HLTF: variants seen among roughly 807,000 people sequenced by gnomAD.
The protein encoded by HLTF is helicase like transcription factor, also known as DNA-dependent ATPase/E3 ubiquitin-protein ligase HLTF.
HLTF carries 127 observed loss-of-function variants against 129.4 expected under a neutral mutation model. The ratio of observed to expected loss-of-function variants is 0.98; its 90% CI spans 0.85 to 1.14. The LOEUF is 1.14. Among genes scored for constraint, HLTF ranks in the 50% most tolerant of loss-of-function variants. HLTF has a pLI of 0.00. For synonymous variants in HLTF, 332 were observed against 388.8 expected, an observed-to-expected ratio of 0.85 and a Z score of 1.72; for missense variants, 1,139 against 1,187.1, an observed-to-expected ratio of 0.96 and a Z score of 0.60.
At chr3:149,039,337 T>A (rs1715921279) in intron 22 of HLTF, 108 bp from the exon 23 acceptor site, 1 of 867,644 alleles carries the variant, frequency 1.2e-6, no homozygotes, top group African/African-American at 1.7e-5. Flanking sequence ...TCATTTATTT[T>A]AACAAATGTT....
chr3:149,079,373 TAAAAAAAAAAAAAAAAAAAA>T (rs71135659), intron 2 of HLTF, among the ~76,000 whole-genome samples: 31 of 57,238 alleles, frequency 5.4e-4, no homozygotes, highest in South Asian at 3.1e-3. Context: ...CGACAGTTTC[TAAAAAAAAAAAAAAAAAAAA>T]AAAAAAAAAA....
chr3:149,055,361 T>G lies in HLTF; in HGVS notation c.1415A>C (p.Glu472Ala). The change falls in exon 14 of 25, where the codon GAG becomes GCG. Residue 472 changes from glutamate to alanine, a missense_variant. Transcript: ENST00000310053. ...GATCAGTGTTGTTCTTGGTCTCTCCTCAACATCAGTTTTCTTTGACCCCTC... is the reference window on the plus strand; with the variant it reads ...GATCAGTGTTGTTCTTGGTCTCTCCGCAACATCAGTTTTCTTTGACCCCTC... ...AVEGSKKTDV[E>A]ERPRTTLIIC... 1.2e-6 allele frequency: 2 copies of G among 1,613,964 alleles called. No homozygotes were observed. The highest frequency in any genetic ancestry group is 1.7e-6 in the Non-Finnish European group (2 of 1,179,882).
chr3:149,041,715 T>C (rs200923474), intron 19 of HLTF, 47 bp from the exon 20 acceptor site: 22 of 1,345,614 alleles, frequency 1.6e-5, no homozygotes, highest in Non-Finnish European at 2.2e-5. Flanking sequence ...GTTTGTAATA[T>C]GACAAGTTAA....
At chr3:149,083,610 T>C (rs1392615224) in intron 2 of HLTF, 1 of 151,940 alleles carries the variant, frequency 6.6e-6, no homozygotes, top group Non-Finnish European at 1.5e-5. Context: ...TAAGAACTGA[T>C]AGAGTTCAAG....
Position 149,070,909 on chromosome 3 carries a change from G to C in HLTF, c.894+343C>G, listed in dbSNP as rs570185208. ...AAAATACAAAAATTAGCTGGGCATG[G>C]TGGCACATGCCTGTAATCCCAGCTA... On this transcript the variant is annotated intron_variant, in intron 7 of 24. Coordinates refer to ENST00000310053, the MANE Select transcript of HLTF (RefSeq NM_003071.4). Among the ~76,000 whole-genome samples the C allele has an allele frequency of 3.2e-3, 488 of 152,208 alleles. 1 individual carries two copies. Among genetic ancestry groups the C allele is most frequent in the Non-Finnish European group, 4.3e-3 (293 of 68,008 alleles).
chr3:149,047,023 A>C (rs1716602964), intron 17 of HLTF, among the ~76,000 whole-genome samples: 1 of 152,212 alleles, frequency 6.6e-6, no homozygotes, highest in South Asian at 2.1e-4. Context: ...AAACACATAC[A>C]AAAGAAACAA....
chr3:149,062,237 T>A (rs1718013724), intron 10 of HLTF, among the ~76,000 whole-genome samples: 1 of 152,252 alleles, frequency 6.6e-6, no homozygotes, highest in Non-Finnish European at 1.5e-5. Context: ...TCAGCTGTTG[T>A]TAAGTTTTTC....
At chr3:149,060,567 T>C (rs1032785211) in intron 12 of HLTF, 76 bp downstream of exon 12, 2 of 1,175,582 alleles carry the variant, frequency 1.7e-6, no homozygotes, top group Non-Finnish European at 1.2e-6. Context: ...CATTCCAACC[T>C]AGCGAGATAC....
At chr3:149,041,891 G>A (rs756076490) in intron 19 of HLTF, 34 of 576,656 alleles carry the variant, frequency 5.9e-5, no homozygotes, top group Middle Eastern at 9.0e-4. Flanking sequence ...ATTATAACAT[G>A]ACAATAACAT....
chr3:149,042,661 G>A (rs1716230280), intron 18 of HLTF, among the ~76,000 whole-genome samples: 1 of 151,996 alleles, frequency 6.6e-6, no homozygotes, highest in Non-Finnish European at 1.5e-5. Context: ...AGCTTCCATG[G>A]AGAAATTTAT....
intron 9 of HLTF, among the ~76,000 whole-genome samples, chr3:149,064,404 G>T (rs962908171): frequency 6.6e-6 from 1 of 152,168 alleles, no homozygotes; most frequent in Admixed American, 6.5e-5. Flanking sequence ...TATGACTTCA[G>T]AATTTGGCTC....
In HLTF at chr3:149,055,306, C is replaced by A; in HGVS notation, c.1470G>T (p.Trp490Cys). 6.2e-7 allele frequency: 1 copy of A among 1,606,782 alleles called. No homozygotes were observed. The highest frequency in any genetic ancestry group is 8.5e-7 in the Non-Finnish European group (1 of 1,173,658). ...IICPLSVLSN[W>C]IDQFGQHIKS... ...TTTAAAGGGCTTAAAGACTTACAAT[C>A]CAGTTGCTTAACACAGAAAGCGGAC... The change falls in exon 14 of 25, where the codon TGG becomes TGT. Residue 490 changes from tryptophan (W) to cysteine (C), a missense_variant. Trp to Cys is a radical substitution (Grantham distance 215, BLOSUM62 -2). Coordinates refer to ENST00000310053, the MANE Select transcript of HLTF (RefSeq NM_003071.4).
intron 2 of HLTF, among the ~76,000 whole-genome samples, chr3:149,079,740 G>A (rs894255728): frequency 2.0e-5 from 3 of 152,166 alleles, no homozygotes; most frequent in African/African-American, 7.2e-5. Context: ...CTACAGGCAG[G>A]TGCCACCATG....
intron 2 of HLTF, among the ~76,000 whole-genome samples, chr3:149,082,060 T>C (rs1020396472): frequency 6.6e-6 from 1 of 152,210 alleles, no homozygotes; most frequent in Non-Finnish European, 1.5e-5. Flanking sequence ...ACCAAAGAAG[T>C]ACCTAAATTA....
rs926553173 is a variant in HLTF, at chr3:149,030,860, G to T, written c.*1360C>A. 2 of 151,332 alleles carry T rather than the reference G, an allele frequency of 1.3e-5. No individual in the cohort carries two copies. The highest frequency in any genetic ancestry group is 2.5e-5 in the African/African-American group (1 of 40,618). The allele number at this position is 151,332 out of a possible 1,614,324, so 9.4% of individuals were successfully genotyped here. ...ACAGGGAGAAAAGGACTTATCTGGTGAGAGATTTGGCATATACCTTCAATG... is the reference window on the plus strand; with the variant it reads ...ACAGGGAGAAAAGGACTTATCTGGTTAGAGATTTGGCATATACCTTCAATG... On this transcript the variant is annotated 3_prime_UTR_variant, in exon 25 of 25. Transcript: ENST00000310053.
chr3:149,059,156 G>A (rs1337045054), intron 13 of HLTF, among the ~76,000 whole-genome samples: 1 of 151,920 alleles, frequency 6.6e-6, no homozygotes, highest in Non-Finnish European at 1.5e-5. Context: ...TACATCATAT[G>A]CTATATGAAA....
At chr3:149,050,975 T>C (rs1043888067) in intron 14 of HLTF, among the ~76,000 whole-genome samples, 1 of 151,748 alleles carries the variant, frequency 6.6e-6, no homozygotes, top group African/African-American at 2.4e-5. Flanking sequence ...CAGAAAAAAA[T>C]AGTCTGATTA....
At chr3:149,076,630 G>C (rs917851587) in intron 2 of HLTF, among the ~76,000 whole-genome samples, 6 of 152,088 alleles carry the variant, frequency 3.9e-5, no homozygotes, top group African/African-American at 1.2e-4. Context: ...ATGGAACTAG[G>C]TAAGAAAAAT....
chr3:149,076,051 A>C lies in HLTF; in HGVS notation c.229-4T>G. On this transcript the variant is annotated splice_polypyrimidine_tract_variant and splice_region_variant and intron_variant, in intron 2 of 24. Transcript: ENST00000310053. ...CAACCATTTCATTATTATTAACCTA[A>C]TAAAAATGATAAACAGATAATATTA... The C allele has an allele frequency of 2.7e-6, 3 of 1,091,596 alleles. No individual in the cohort carries two copies. Among genetic ancestry groups the C allele is most frequent in the Non-Finnish European group, 4.0e-6 (3 of 744,964 alleles). The allele number at this position is 1,091,596 out of a possible 1,614,324, so 67.6% of individuals were successfully genotyped here. A position where few individuals can be genotyped will look rare whatever the true frequency, so the allele number is the denominator to read the frequency against.
Sources: allele counts gnomAD v4.1 joint callset (sites outside exome capture counted in the v4.1 genomes callset), GRCh38; gene constraint gnomAD v4.1.1; transcripts MANE v1.5; gene names NCBI Gene and HGNC (gene_info 2026-07-23, HGNC 2026-07-21).